Variants in PCDHGB3 observed in about 807,000 individuals in gnomAD.
PCDHGB3 encodes protocadherin gamma-B3.
In PCDHGB3, 40 loss-of-function variants were observed where a neutral mutation model predicts 59.2. The ratio of observed to expected loss-of-function variants is 0.68; its 90% CI spans 0.52 to 0.88. PCDHGB3 has a LOEUF of 0.88. PCDHGB3 is among the 40% of genes least tolerant of loss of function. The pLI, the probability that PCDHGB3 is intolerant of heterozygous loss-of-function variation, is 0.00. For missense variants in PCDHGB3, 1,309 were observed against 1,187.9 expected (o/e 1.10, Z -1.50); for synonymous variants, 581 against 503.6 (o/e 1.15, Z -2.06).
At chr5:141,374,916 C>T in intron 1 of PCDHGB3, 2 of 1,613,924 alleles carry the variant, frequency 1.2e-6, no homozygotes, top group Non-Finnish European at 1.7e-6. Flanking sequence ...GGGGAAGTAA[C>T]TTATTCCTTT....
chr5:141,404,908 C>T, intron 1 of PCDHGB3: 1 of 1,613,882 alleles, frequency 6.2e-7, no homozygotes, highest in Non-Finnish European at 8.5e-7. Context: ...ATGGCCAGCC[C>T]CCTCTCTCGG....
At chr5:141,459,237 C>T (rs1004453705) in intron 1 of PCDHGB3, among the ~76,000 whole-genome samples, 1 of 152,214 alleles carries the variant, frequency 6.6e-6, no homozygotes, top group Admixed American at 6.5e-5. Flanking sequence ...AACTGGTCTG[C>T]TTCCTGTCAC....
At chr5:141,460,455 A>G (rs1021070289) in intron 1 of PCDHGB3, among the ~76,000 whole-genome samples, 2 of 152,080 alleles carry the variant, frequency 1.3e-5, no homozygotes, top group African/African-American at 4.8e-5. Context: ...GAAGATTCAT[A>G]TTTTTTTCCA....
Position 141,511,030 on chromosome 5 carries a change from C to A in PCDHGB3, c.2647C>A (p.Gln883Lys). 9 of 1,614,224 alleles carry A rather than the reference C, an allele frequency of 5.6e-6. No individual in the cohort carries two copies. Among genetic ancestry groups the A allele is most frequent in the Non-Finnish European group, 7.6e-6 (9 of 1,180,032 alleles). Residue 883 changes from glutamine (Q) to lysine (K), a missense_variant, in exon 4 of 4, where the codon CAG (glutamine) becomes AAG (lysine). Transcript: ENST00000576222. ...SARYGPQFTLQHVPDYRQNVY... is the reference protein window; with the variant it reads ...SARYGPQFTLKHVPDYRQNVY... ...CCGCTACGGACCCCAGTTCACCCTGCAGCACGTGCCCGACTACCGCCAGAA... is the reference window on the plus strand; with the variant it reads ...CCGCTACGGACCCCAGTTCACCCTGAAGCACGTGCCCGACTACCGCCAGAA...
intron 1 of PCDHGB3, chr5:141,400,151 C>T: frequency 6.2e-7 from 1 of 1,614,086 alleles, no homozygotes; most frequent in Non-Finnish European, 8.5e-7. Context: ...ACTGACCGCC[C>T]TGTACCCTCT....
At chr5:141,399,041 T>A (rs375762745) in intron 1 of PCDHGB3, 150 of 1,613,746 alleles carry the variant, frequency 9.3e-5, no homozygotes, top group Non-Finnish European at 1.2e-4. Context: ...AAACTGGATT[T>A]TGAAGAGACC....
At chr5:141,388,340 T>C in intron 1 of PCDHGB3, 1 of 1,613,994 alleles carries the variant, frequency 6.2e-7, no homozygotes, top group South Asian at 1.1e-5. Context: ...GCACACGATT[T>C]ATATTAGGAT....
chr5:141,394,173 C>T, intron 1 of PCDHGB3: 1 of 1,613,948 alleles, frequency 6.2e-7, no homozygotes, highest in Non-Finnish European at 8.5e-7. Flanking sequence ...TACTTTCCCT[C>T]ATGCCTCCTA....
chr5:141,498,673 T>C (rs1158071657), intron 2 of PCDHGB3, among the ~76,000 whole-genome samples: 1 of 152,180 alleles, frequency 6.6e-6, no homozygotes, highest in Non-Finnish European at 1.5e-5. Flanking sequence ...GGCTCACGCC[T>C]GTAATCCCAG....
Position 141,490,387 on chromosome 5 carries a change from G to C in PCDHGB3, c.2416-4420G>C. 2 of 1,614,196 alleles carry C rather than the reference G, an allele frequency of 1.2e-6. No individual in the cohort carries two copies. The highest frequency in any genetic ancestry group is 1.7e-6 in the Non-Finnish European group (2 of 1,180,034). On this transcript the variant is annotated intron_variant, in intron 1 of 3. Transcript: ENST00000576222. This position sits in a 1 kb window ranked among gnomAD's most constrained non-coding sequence, Gnocchi z 5.4. ...GCGAGACCGGGACTCAGGTAGAAATGGTGAAGTGAGCCTTGATATCTCTCC... is the reference window on the plus strand; with the variant it reads ...GCGAGACCGGGACTCAGGTAGAAATCGTGAAGTGAGCCTTGATATCTCTCC...
At chr5:141,408,148 G>C in intron 1 of PCDHGB3, 2 of 1,504,962 alleles carry the variant, frequency 1.3e-6, no homozygotes, top group Non-Finnish European at 1.8e-6. Context: ...TAGCGCGGTA[G>C]AGTGCACTTT....
intron 1 of PCDHGB3, chr5:141,405,577 T>C (rs1034475748): frequency 1.0e-5 from 6 of 597,580 alleles, no homozygotes; most frequent in Non-Finnish European, 1.8e-5. Context: ...GTAGAGTAGC[T>C]GGGACTACAG....
chr5:141,487,905 G>C lies in PCDHGB3; in HGVS notation c.2416-6902G>C. The C allele has an allele frequency of 1.5e-6, 1 of 686,388 alleles. No individual in the cohort carries two copies. 42.5% of individuals were successfully genotyped at this position (686,388 alleles called of 1,614,324 possible). On this transcript the variant is annotated intron_variant, in intron 1 of 3. Transcript: ENST00000576222. This position sits in a 1 kb window ranked among gnomAD's most constrained non-coding sequence, Gnocchi z 5.0. ...GTGGAAGCATGATGATGGAATGTGG[G>C]AGCACAGGAGGCTACAGTGCACAGG...
intron 1 of PCDHGB3, chr5:141,390,391 T>C: frequency 7.1e-7 from 1 of 1,399,002 alleles, no homozygotes; most frequent in Non-Finnish European, 9.8e-7. Flanking sequence ...ATGTCATGGA[T>C]CATTTTAGGA....
chr5:141,422,790 C>G, intron 1 of PCDHGB3: 1 of 1,614,060 alleles, frequency 6.2e-7, no homozygotes, highest in South Asian at 1.1e-5. Context: ...TACAATCCTT[C>G]GACTATGAGC....
intron 1 of PCDHGB3, chr5:141,376,510 G>A: frequency 6.2e-7 from 1 of 1,614,028 alleles, no homozygotes; most frequent in Non-Finnish European, 8.5e-7. Flanking sequence ...AACTTCAGGT[G>A]AGTTTCTTTC....
intron 1 of PCDHGB3, chr5:141,427,312 C>T (rs1438759401): frequency 4.4e-6 from 2 of 456,954 alleles, no homozygotes; most frequent in East Asian, 6.9e-5. Context: ...GACAATGCCC[C>T]AGACGTGGTT....
chr5:141,404,826 A>C lies in PCDHGB3; in HGVS notation c.2415+32017A>C, dbSNP rs771996319. 2.5e-6 allele frequency: 4 copies of C among 1,613,710 alleles called. No individual in the cohort carries two copies. In the South Asian group the frequency reaches 3.3e-5, roughly 13 times the overall value. The stretch of plus-strand genomic sequence containing the variant: ...TTCTCGGTGGGGCTGCACACAGGTG[A>C]AGTGCGCACAGCTCGGGCCCTGCTA... On this transcript the variant is annotated intron_variant, in intron 1 of 3. Transcript: ENST00000576222.
intron 2 of PCDHGB3, among the ~76,000 whole-genome samples, chr5:141,505,119 G>A (rs371973470): frequency 3.1e-4 from 47 of 152,210 alleles, no homozygotes; most frequent in African/African-American, 1.0e-3. Flanking sequence ...CCAAGATCGC[G>A]CCACTGCACT....
Sources: gnomAD v4.1 joint callset for allele counts (sites outside exome capture counted in the v4.1 genomes callset) on GRCh38, gnomAD v4.1.1 for gene constraint, Gnocchi (gnomAD v3.1) non-coding constraint, MANE v1.5 for transcripts, NCBI Gene and HGNC (gene_info 2026-07-23, HGNC 2026-07-21) for gene names.